SLC35D1: variants seen among roughly 807,000 people sequenced by gnomAD.
SLC35D1 encodes the protein solute carrier family 35 member D1.
A neutral mutation model predicts 46.7 loss-of-function variants in SLC35D1; 31 were observed. The observed-to-expected ratio is 0.66, with a 90% CI of 0.50 to 0.90. The LOEUF (loss-of-function observed/expected upper bound fraction) is 0.90. Among genes scored for constraint, SLC35D1 ranks in the 40% least tolerant of loss-of-function variants. The pLI is 0.00. For missense variants in SLC35D1, 397 were observed against 426.2 expected (o/e 0.93, Z 0.60); for synonymous variants, 195 against 164.6 (o/e 1.18, Z -1.41).
chr1:67,036,647 T>C (rs190590675), intron 8 of SLC35D1, among the ~76,000 whole-genome samples: 84 of 152,198 alleles, frequency 5.5e-4, no homozygotes, highest in Admixed American at 1.0e-3. Context: ...CATCCCTTTA[T>C]TTTCAGTCTA....
chr1:67,043,519 T>G, intron 7 of SLC35D1, among the ~76,000 whole-genome samples: 1 of 151,954 alleles, frequency 6.6e-6, no homozygotes, highest in African/African-American at 2.4e-5. Context: ...CATTCCAACT[T>G]CGGCACCAGA....
At chr1:66,977,024 G>A in the SLC35D1 span, among the ~76,000 whole-genome samples, 1 of 152,048 alleles carries the variant, frequency 6.6e-6, no homozygotes, top group East Asian at 1.9e-4. Flanking sequence ...TTAATACACT[G>A]TTGAGAAGAA....
At chr1:67,008,883 T>C (rs1667505464) in intron 11 of SLC35D1, among the ~76,000 whole-genome samples, 1 of 152,142 alleles carries the variant, frequency 6.6e-6, no homozygotes, top group Non-Finnish European at 1.5e-5. Flanking sequence ...GTTGGGATTA[T>C]AGGTATAAGC....
At chr1:66,974,353 G>A in the SLC35D1 span, among the ~76,000 whole-genome samples, 4 of 151,922 alleles carry the variant, frequency 2.6e-5, no homozygotes, top group South Asian at 2.1e-4. Context: ...GTGACTGGCC[G>A]TGTATGTTTT....
intron 8 of SLC35D1, among the ~76,000 whole-genome samples, chr1:67,038,359 T>A (rs7538922): frequency 0.12 from 17,517 of 152,180 alleles, 2,444 homozygotes; most frequent in African/African-American, 0.34. Flanking sequence ...CAACCTTTCC[T>A]ATAACTCCCC....
rs541491240 is a variant in SLC35D1 at position 67,054,078 on chromosome 1, C to T, written c.-65G>A. The T allele has an allele frequency of 3.8e-4, 584 of 1,537,794 alleles. 1 individual carries two copies. The highest frequency in any genetic ancestry group is 2.7e-3 in the Admixed American group (152 of 57,292). ...GGCTCGGGGGCCTGCAGCGGCAGCT[C>T]CCAGGGGACTCCAGGAGTTGGGGAC... On this transcript the variant is annotated 5_prime_UTR_variant, in exon 1 of 12. Coordinates refer to ENST00000235345, the MANE Select transcript of SLC35D1 (RefSeq NM_015139.3).
the SLC35D1 span, among the ~76,000 whole-genome samples, chr1:66,975,389 T>TAA: frequency 6.6e-6 from 1 of 152,028 alleles, no homozygotes; most frequent in Non-Finnish European, 1.5e-5. Context: ...TACCTGAGTT[T>TAA]GGTGGCATGC....
At chr1:66,995,775 T>C (rs1296792966), downstream of SLC35D1, among the ~76,000 whole-genome samples, 1 of 152,192 alleles carries the variant, frequency 6.6e-6, no homozygotes, top group Non-Finnish European at 1.5e-5. Context: ...TTTCCTACCA[T>C]TCCCAGGTGG....
chr1:66,990,696 A>G, the SLC35D1 span, among the ~76,000 whole-genome samples: 3 of 152,218 alleles, frequency 2.0e-5, no homozygotes, highest in Admixed American at 2.0e-4. Flanking sequence ...ATTTTCGTGT[A>G]TATGTATAGT....
chr1:66,986,559 AC>A, the SLC35D1 span: 3 of 1,017,824 alleles, frequency 2.9e-6, no homozygotes, highest in Admixed American at 1.8e-5. Context: ...TTCAGGCCTT[AC>A]CCCCATGAAG....
chr1:67,041,296 T>C (rs913328041), intron 8 of SLC35D1, among the ~76,000 whole-genome samples: 1 of 152,204 alleles, frequency 6.6e-6, no homozygotes, highest in Non-Finnish European at 1.5e-5. Context: ...TTTACACGTA[T>C]ATTCAAGATG....
chr1:66,982,906 GAAGTAGAAT>G, the SLC35D1 span, among the ~76,000 whole-genome samples: 2 of 152,218 alleles, frequency 1.3e-5, no homozygotes, highest in East Asian at 3.8e-4. Flanking sequence ...CGTCCATTCT[GAAGTAGAAT>G]AAGATGCTGA....
intron 11 of SLC35D1, among the ~76,000 whole-genome samples, chr1:67,005,078 T>C (rs1249108104): frequency 6.6e-6 from 1 of 152,270 alleles, no homozygotes; most frequent in Admixed American, 6.5e-5. Flanking sequence ...CCATTCTCTG[T>C]GGGGACCTCA....
At chr1:67,032,335 T>C (rs1165975234) in intron 8 of SLC35D1, among the ~76,000 whole-genome samples, 1 of 152,110 alleles carries the variant, frequency 6.6e-6, no homozygotes, top group Non-Finnish European at 1.5e-5. Context: ...ATGGTAGGTA[T>C]ATATTTATGG....
At position 67,004,229 on chromosome 1, in the gene SLC35D1, GA is replaced by G; in HGVS notation, c.*110del. 1 of 900,262 alleles carries G rather than the reference GA, an allele frequency of 1.1e-6. No individual in the cohort carries two copies. Among genetic ancestry groups the G allele is most frequent in the Non-Finnish European group, 1.8e-6 (1 of 547,350 alleles). 55.8% of individuals were successfully genotyped at this position (900,262 alleles called of 1,614,324 possible). A position where few individuals can be genotyped will look rare whatever the true frequency, so the allele number is the denominator to read the frequency against. ...ATCCTCAGATTGTACAAGTGCAAAGGAATGGTTATTTCCTCCATAATCAAGA... is the reference window on the plus strand; with the variant it reads ...ATCCTCAGATTGTACAAGTGCAAAGGATGGTTATTTCCTCCATAATCAAGA... On this transcript the variant is annotated 3_prime_UTR_variant, in exon 12 of 12. Transcript: ENST00000235345.
intron 8 of SLC35D1, among the ~76,000 whole-genome samples, chr1:67,025,506 G>T (rs1036289623): frequency 6.6e-6 from 1 of 152,056 alleles, no homozygotes; most frequent in African/African-American, 2.4e-5. Context: ...AATCAAGTAG[G>T]GTAAATCCTC....
chr1:67,053,068 C>A, intron 1 of SLC35D1, 79 bp from the exon 2 acceptor site: 1 of 1,498,998 alleles, frequency 6.7e-7, no homozygotes, highest in Non-Finnish European at 9.1e-7. Context: ...ACATCGGCAA[C>A]GTTAATAAGG....
At chr1:67,037,438 T>G (rs949506114) in intron 8 of SLC35D1, among the ~76,000 whole-genome samples, 6 of 152,114 alleles carry the variant, frequency 3.9e-5, no homozygotes, top group African/African-American at 1.4e-4. Context: ...GCAATCAGAT[T>G]TTGTCTTTTG....
rs553700844 is a variant in SLC35D1 at position 67,004,569 on chromosome 1, A to C, written c.960-121T>G. The C allele has an allele frequency of 3.5e-5, 27 of 763,556 alleles. No individual in the cohort carries two copies. In the African/African-American group the frequency reaches 4.0e-4, roughly 11 times the overall value. 47.3% of individuals were successfully genotyped at this position (763,556 alleles called of 1,614,324 possible). ...GAAGAGTAAAGTTTCACAGTGGGGAAATTCATACAATGAAGTACTATGCAT... is the reference window on the plus strand; with the variant it reads ...GAAGAGTAAAGTTTCACAGTGGGGACATTCATACAATGAAGTACTATGCAT... On this transcript the variant is annotated intron_variant, in intron 11 of 11. Transcript: ENST00000235345.
Sources: gnomAD v4.1 joint callset for allele counts (sites outside exome capture counted in the v4.1 genomes callset) on GRCh38, gnomAD v4.1.1 for gene constraint, MANE v1.5 for transcripts, NCBI Gene and HGNC (gene_info 2026-07-23, HGNC 2026-07-21) for gene names.